UFM1: variants seen among roughly 807,000 people sequenced by gnomAD.
UFM1 encodes the protein ubiquitin-fold modifier 1.
Under a neutral mutation model 15.4 loss-of-function variants are expected in UFM1, and 9 were observed. The observed-to-expected ratio is 0.59, with a 90% confidence interval of 0.35 to 1.02. The LOEUF is 1.02. Among genes scored for constraint, UFM1 ranks in the 50% least tolerant of loss-of-function variants. The pLI is 0.02. For missense variants in UFM1, 98 were observed against 104.7 expected, an observed-to-expected ratio of 0.94 and a Z score of 0.28; for synonymous variants, 27 against 36.3, an observed-to-expected ratio of 0.74 and a Z score of 0.92.
At chr13:38,360,179 C>G (rs909856785) in intron 5 of UFM1, 13 of 227,462 alleles carry the variant, frequency 5.7e-5, no homozygotes, top group African/African-American at 3.1e-4. Flanking sequence ...GTATGGATGC[C>G]TTTAAACTTA....
At chr13:38,356,784 A>G (rs1320425890) in intron 3 of UFM1, among the ~76,000 whole-genome samples, 1 of 151,454 alleles carries the variant, frequency 6.6e-6, no homozygotes, top group African/African-American at 2.4e-5. Flanking sequence ...TGTTAGGAGT[A>G]TATTAAAGGC....
intron 2 of UFM1, among the ~76,000 whole-genome samples, chr13:38,352,924 AC>A (rs1878926059): frequency 6.6e-6 from 1 of 152,208 alleles, no homozygotes; most frequent in Non-Finnish European, 1.5e-5. Context: ...ATTCTTAACT[AC>A]ATATACACTG....
At chr13:38,353,711 C>T (rs1878965230) in intron 2 of UFM1, among the ~76,000 whole-genome samples, 1 of 151,998 alleles carries the variant, frequency 6.6e-6, no homozygotes, top group Admixed American at 6.6e-5. Flanking sequence ...GAACTTCATG[C>T]ATTTTCATTA....
rs771620457 is a variant in UFM1 at position 38,359,322 on chromosome 13, C to T, written c.179C>T (p.Ala60Val). Residue 60 changes from alanine to valine, a missense_variant, in exon 5 of 6, where the codon GCA becomes GTA. Ala to Val is a moderately conservative substitution (Grantham distance 64). Transcript: ENST00000239878. ...ITNDGIGINP[A>V]QTAGNVFLKH... ...CTAGATGGAATAGGAATAAATCCTG[C>T]ACAGACTGCTGGTGAGTATTTGAAA... 2 of 1,611,536 alleles carry T rather than the reference C, an allele frequency of 1.2e-6. No individual in the cohort carries two copies. The highest frequency in any genetic ancestry group is 1.7e-6 in the Non-Finnish European group (2 of 1,178,250).
chr13:38,358,143 A>T lies in UFM1; in HGVS notation c.157+11A>T. The T allele has an allele frequency of 2.1e-6, 3 of 1,447,740 alleles. No homozygotes were observed. The highest frequency in any genetic ancestry group is 2.8e-6 in the Non-Finnish European group (3 of 1,085,160). 89.7% of individuals were successfully genotyped at this position (1,447,740 alleles called of 1,614,324 possible). On this transcript the variant is annotated intron_variant, in intron 4 of 5. Coordinates refer to ENST00000239878, the MANE Select transcript of UFM1 (RefSeq NM_016617.4). ...CAATTATTACCAATGGTAAGAATTC[A>T]CTATAAAATTATGTATTACCTCAAA... is the stretch of plus-strand genomic sequence containing the variant.
chr13:38,363,462 C>T lies in UFM1; in HGVS notation c.*2684C>T, dbSNP rs912878406. On this transcript the variant is annotated 3_prime_UTR_variant, in exon 6 of 6. Coordinates refer to ENST00000239878, the MANE Select transcript of UFM1 (RefSeq NM_016617.4). ...GTTCCTGTGATTCAGTGATACATAA[C>T]AGTACTTGCAAATGCCTGTCCATTT... 1.4e-5 allele frequency: 2 copies of T among 142,228 alleles called. No individual in the cohort carries two copies. Among genetic ancestry groups the T allele is most frequent in the East Asian group, 4.1e-4 (2 of 4,868 alleles). 8.8% of individuals were successfully genotyped at this position (142,228 alleles called of 1,614,324 possible). A position where few individuals can be genotyped will look rare whatever the true frequency, so the allele number is the denominator to read the frequency against.
intron 3 of UFM1, among the ~76,000 whole-genome samples, chr13:38,356,719 A>AAT (rs1555241255): frequency 1.3e-5 from 2 of 151,120 alleles, no homozygotes; most frequent in African/African-American, 4.8e-5. Context: ...AAAAAAAAAA[A>AAT]ACTTCATGAA....
At chr13:38,358,174 A>C in intron 4 of UFM1, 42 bp downstream of exon 4, 2 of 1,289,092 alleles carry the variant, frequency 1.6e-6, no homozygotes, top group Non-Finnish European at 2.1e-6. Context: ...TCAAATTTAT[A>C]GAAATGGTGT....
In UFM1 at chr13:38,361,975, A is replaced by T. The variant is rs1023376887; in HGVS notation, c.*1197A>T. The T allele has an allele frequency of 7.9e-5, 12 of 152,314 alleles. No individual in the cohort carries two copies. The highest frequency in any genetic ancestry group is 2.9e-4 in the African/African-American group (12 of 41,560). 9.4% of individuals were successfully genotyped at this position (152,314 alleles called of 1,614,324 possible). A position where few individuals can be genotyped will look rare whatever the true frequency, so the allele number is the denominator to read the frequency against. ...CTTGTCAACATACAGACTTCAAAATACCCCTTATGAGAATCCAAAGAATGA... is the reference window on the plus strand; with the variant it reads ...CTTGTCAACATACAGACTTCAAAATTCCCCTTATGAGAATCCAAAGAATGA... On this transcript the variant is annotated 3_prime_UTR_variant, in exon 6 of 6. Transcript: ENST00000239878.
chr13:38,361,895 TTGACA>T lies in UFM1; in HGVS notation c.*1119_*1123del, dbSNP rs1474740074. The T allele has an allele frequency of 9.2e-5, 14 of 152,270 alleles. No homozygotes were observed. Among genetic ancestry groups the T allele is most frequent in the Admixed American group, 5.2e-4 (8 of 15,282 alleles). The allele number at this position is 152,270 out of a possible 1,614,324, so 9.4% of individuals were successfully genotyped here. On this transcript the variant is annotated 3_prime_UTR_variant, in exon 6 of 6. Coordinates refer to ENST00000239878, the MANE Select transcript of UFM1 (RefSeq NM_016617.4). ...AGAACTGAAAGGGAAAACAAAATAC[TTGACA>T]TAGTCTTAAGTAGAAGAAGGCAGTT...
chr13:38,357,580 G>A lies in UFM1; in HGVS notation c.118-513G>A, dbSNP rs142202675. On this transcript the variant is annotated intron_variant, in intron 3 of 5. Coordinates refer to ENST00000239878, the MANE Select transcript of UFM1 (RefSeq NM_016617.4). ...CCCTTGAATAACGTGGGAGTTAGGG[G>A]TTCCAACCCCCTGTGCAGTTGAAAA... Among the ~76,000 whole-genome samples the A allele has an allele frequency of 8.7e-3, 1,320 of 151,718 alleles. 20 individuals are homozygous for A. Among genetic ancestry groups the A allele is most frequent in the African/African-American group, 0.031 (1,269 of 41,446 alleles).
At chr13:38,354,023 G>A (rs1878977124) in intron 2 of UFM1, among the ~76,000 whole-genome samples, 2 of 152,092 alleles carry the variant, frequency 1.3e-5, no homozygotes, top group South Asian at 4.1e-4. Context: ...TGGAGCTCGG[G>A]CACCATCCCA....
intron 2 of UFM1, among the ~76,000 whole-genome samples, chr13:38,352,102 C>CTTTT (rs35879418): frequency 5.9e-4 from 62 of 105,318 alleles, no homozygotes; most frequent in African/African-American, 1.2e-3. Flanking sequence ...TTCTTTCTTT[C>CTTTT]TTTTTTTTTT....
rs570707980 is a variant in UFM1 at position 38,360,682 on chromosome 13, C to CT, written c.191-28dup. 355 of 1,525,832 alleles carry CT rather than the reference C, an allele frequency of 2.3e-4. 1 individual carries two copies. In the East Asian group the frequency reaches 7.6e-3, roughly 33 times the overall value. 94.5% of individuals were successfully genotyped at this position (1,525,832 alleles called of 1,614,324 possible). ...TTAAGATAACTTGATTTTTAGATAT[C>CT]TAACTTTATGTTTTGTTTGTTTGTA... On this transcript the variant is annotated intron_variant, in intron 5 of 5. Transcript: ENST00000239878.
chr13:38,360,957 T>C lies in UFM1; in HGVS notation c.*179T>C, dbSNP rs549499792. On this transcript the variant is annotated 3_prime_UTR_variant, in exon 6 of 6. Coordinates refer to ENST00000239878, the MANE Select transcript of UFM1 (RefSeq NM_016617.4). Reference sequence around the variant, plus strand: ...ACTCTTCCTATGAAGAGGGAATGCGTATGAATTAAGGCTACTACTGTCACA... The same window carrying C: ...ACTCTTCCTATGAAGAGGGAATGCGCATGAATTAAGGCTACTACTGTCACA... 4.4e-4 allele frequency: 224 copies of C among 504,622 alleles called. No individual in the cohort carries two copies. The highest frequency in any genetic ancestry group is 6.2e-4 in the Non-Finnish European group (177 of 284,656). The allele number at this position is 504,622 out of a possible 1,614,324, so 31.3% of individuals were successfully genotyped here.
chr13:38,358,646 T>G (rs190566070), intron 4 of UFM1, among the ~76,000 whole-genome samples: 1 of 151,752 alleles, frequency 6.6e-6, no homozygotes, highest in Non-Finnish European at 1.5e-5. Flanking sequence ...AGATGAGGAG[T>G]AAAGATTGCA....
At chr13:38,360,681 T>C in intron 5 of UFM1, 30 bp from the exon 6 acceptor site, 5 of 1,519,692 alleles carry the variant, frequency 3.3e-6, no homozygotes, top group Non-Finnish European at 4.5e-6. Context: ...TTTTTAGATA[T>C]CTAACTTTAT....
Position 38,349,890 on chromosome 13 carries a change from C to G in UFM1, c.-30C>G. 13 of 1,614,064 alleles carry G rather than the reference C, an allele frequency of 8.1e-6. No individual in the cohort carries two copies. Among genetic ancestry groups the G allele is most frequent in the Admixed American group, 1.7e-5 (1 of 60,016 alleles). On this transcript the variant is annotated 5_prime_UTR_variant, in exon 1 of 6. Coordinates refer to ENST00000239878, the MANE Select transcript of UFM1 (RefSeq NM_016617.4). ...AGTCGTGCTACCCCCGCGGAGTTGTCGTGTGTTCTGGATTCATTCCGGCAC... is the reference window on the plus strand; with the variant it reads ...AGTCGTGCTACCCCCGCGGAGTTGTGGTGTGTTCTGGATTCATTCCGGCAC...
At chr13:38,351,615 A>G (rs73176729) in intron 2 of UFM1, among the ~76,000 whole-genome samples, 19 of 152,344 alleles carry the variant, frequency 1.2e-4, no homozygotes, top group Non-Finnish European at 2.8e-4. Flanking sequence ...AAGTAGATGG[A>G]GTCCAGTGCC....
Sources: gnomAD v4.1 joint callset for allele counts (sites outside exome capture counted in the v4.1 genomes callset) on GRCh38, gnomAD v4.1.1 for gene constraint, MANE v1.5 for transcripts, NCBI Gene and HGNC (gene_info 2026-07-23, HGNC 2026-07-21) for gene names.